Variants in PCDH15 observed in about 807,000 individuals in gnomAD.
PCDH15 encodes the protein protocadherin related 15.
A neutral mutation model predicts 178.5 loss-of-function variants in PCDH15; 129 were observed. That is an observed-to-expected ratio of 0.72 (90% confidence interval 0.63 to 0.84). The LOEUF is 0.84. PCDH15 is among the 40% of genes least tolerant of loss of function. The pLI is 0.00. For missense variants in PCDH15, 2,230 were observed against 2,099.9 expected (o/e 1.06, Z -1.21); for synonymous variants, 800 against 732.0 (o/e 1.09, Z -1.50).
chr10:54,268,306 C>T (rs1372256006), intron 8 of PCDH15, among the ~76,000 whole-genome samples: 1 of 151,882 alleles, frequency 6.6e-6, no homozygotes, highest in Non-Finnish European at 1.5e-5. Context: ...AAATGTAAAA[C>T]TTTAAACTAT....
At chr10:54,209,392 A>G (rs925802489) in intron 10 of PCDH15, among the ~76,000 whole-genome samples, 38 of 152,072 alleles carry the variant, frequency 2.5e-4, no homozygotes, top group Non-Finnish European at 4.3e-4. Context: ...CGAAATAAAG[A>G]ATTGCAGTAG....
chr10:53,950,745 C>G (rs1589583708), intron 23 of PCDH15, among the ~76,000 whole-genome samples: 2 of 152,146 alleles, frequency 1.3e-5, no homozygotes, highest in East Asian at 3.8e-4. Flanking sequence ...AATGTAATCT[C>G]AAGTAGTATG....
At chr10:54,669,124 A>C (rs1208279355) in intron 1 of PCDH15, among the ~76,000 whole-genome samples, 2 of 152,102 alleles carry the variant, frequency 1.3e-5, no homozygotes, top group Non-Finnish European at 2.9e-5. Context: ...TGCTTAAATG[A>C]CTAGAGAGAA....
chr10:53,876,503 A>G (rs1307615373), intron 26 of PCDH15, among the ~76,000 whole-genome samples: 3 of 152,070 alleles, frequency 2.0e-5, no homozygotes, highest in Non-Finnish European at 4.4e-5. Flanking sequence ...GTATTTTTAG[A>G]AACCAGAAAG....
intron 15 of PCDH15, among the ~76,000 whole-genome samples, chr10:54,132,608 C>T (rs2042530853): frequency 6.6e-6 from 1 of 152,146 alleles, no homozygotes; most frequent in South Asian, 2.1e-4. Context: ...TTTCCAATCC[C>T]TTCATTCTCT....
intron 26 of PCDH15, among the ~76,000 whole-genome samples, chr10:53,897,959 CTTTTTTTTTTT>C (rs66513139): frequency 2.4e-5 from 2 of 82,412 alleles, no homozygotes; most frequent in Admixed American, 1.8e-4. Context: ...TTTCTTTTCC[CTTTTTTTTTTT>C]TTTTTTTTTT....
At chr10:55,357,832 C>T (rs1283125848) in intron 2 of PCDH15, among the ~76,000 whole-genome samples, 1 of 152,028 alleles carries the variant, frequency 6.6e-6, no homozygotes. Flanking sequence ...CAATACATCT[C>T]TAGTTTCTAC....
chr10:54,588,383 C>T (rs2091647024), intron 2 of PCDH15, among the ~76,000 whole-genome samples: 1 of 152,168 alleles, frequency 6.6e-6, no homozygotes. Context: ...GGTAAAACTA[C>T]ATTTTTCACT....
At chr10:54,338,288 TG>T (rs1453032658) in intron 6 of PCDH15, among the ~76,000 whole-genome samples, 1 of 151,426 alleles carries the variant, frequency 6.6e-6, no homozygotes, top group African/African-American at 2.4e-5. Flanking sequence ...GGAAATCTCA[TG>T]ATATAATGTA....
chr10:55,069,299 T>C (rs1161382059), intron 2 of PCDH15, among the ~76,000 whole-genome samples: 1 of 150,978 alleles, frequency 6.6e-6, no homozygotes, highest in Non-Finnish European at 1.5e-5. Context: ...TTTTATACTT[T>C]AAGTTTTAGG....
chr10:53,807,036 C>T lies in PCDH15; in HGVS notation c.4766G>A (p.Arg1589His), dbSNP rs565739662. Residue 1589 changes from arginine (R) to histidine (H), a missense_variant, in exon 38 of 38, where the codon CGT becomes CAT. By Grantham distance (29) the Arg-to-His change is conservative. Transcript: ENST00000644397. The stretch of plus-strand genomic sequence containing the variant: ...ACTGTGGATACTAGGATGGTGAAGA[C>T]GGTTTCTCTGACATTCAGGAGCACT... ...EDSAPECQRN[R>H]LHHPSIHSNI... 9.3e-6 allele frequency: 15 copies of T among 1,613,586 alleles called. No homozygotes were observed. The highest frequency in any genetic ancestry group is 4.4e-5 in the South Asian group (4 of 91,064).
At chr10:55,291,516 A>G (rs1488494027) in intron 1 of PCDH15, among the ~76,000 whole-genome samples, 1 of 152,222 alleles carries the variant, frequency 6.6e-6, no homozygotes, top group Non-Finnish European at 1.5e-5. Flanking sequence ...TGAGAAATGG[A>G]AAGAATGTTA....
intron 15 of PCDH15, among the ~76,000 whole-genome samples, chr10:54,124,535 A>G (rs1479819662): frequency 1.3e-5 from 2 of 152,242 alleles, no homozygotes; most frequent in African/African-American, 2.4e-5. Context: ...TGCCAGATGA[A>G]CAAGATGAAA....
At chr10:54,359,326 C>T (rs1443516412) in intron 5 of PCDH15, among the ~76,000 whole-genome samples, 1 of 150,020 alleles carries the variant, frequency 6.7e-6, no homozygotes, top group Non-Finnish European at 1.5e-5. Flanking sequence ...TAATAATGTA[C>T]CAATGTTGGT....
intron 2 of PCDH15, among the ~76,000 whole-genome samples, chr10:55,357,465 T>C (rs1383356350): frequency 6.6e-6 from 1 of 151,978 alleles, no homozygotes; most frequent in Non-Finnish European, 1.5e-5. Flanking sequence ...TGAGGGTCAA[T>C]TCCGATTCTA....
chr10:54,065,481 A>G (rs1320307925), intron 18 of PCDH15, among the ~76,000 whole-genome samples: 1 of 152,218 alleles, frequency 6.6e-6, no homozygotes, highest in African/African-American at 2.4e-5. Flanking sequence ...ACAGTAAGCC[A>G]TTGGACACCA....
intron 3 of PCDH15, among the ~76,000 whole-genome samples, chr10:54,880,963 A>G (rs948287435): frequency 1.3e-5 from 2 of 151,748 alleles, no homozygotes; most frequent in African/African-American, 4.8e-5. Context: ...ACAAAAGAAT[A>G]CTCCTGTAGG....
At chr10:54,424,250 C>T (rs1341749573) in intron 3 of PCDH15, among the ~76,000 whole-genome samples, 1 of 151,876 alleles carries the variant, frequency 6.6e-6, no homozygotes, top group Non-Finnish European at 1.5e-5. Context: ...TCAACAGACA[C>T]ATGAAAAAAT....
chr10:54,648,102 T>A (rs2094171796), intron 2 of PCDH15, among the ~76,000 whole-genome samples: 1 of 152,136 alleles, frequency 6.6e-6, no homozygotes, highest in Admixed American at 6.6e-5. Flanking sequence ...CTGGTATTTT[T>A]GTCAAACTAT....
Sources: gnomAD v4.1 joint callset for allele counts (sites outside exome capture counted in the v4.1 genomes callset) on GRCh38, gnomAD v4.1.1 for gene constraint, MANE v1.5 for transcripts, NCBI Gene and HGNC (gene_info 2026-07-23, HGNC 2026-07-21) for gene names.